Variants in RAPGEF4 observed in about 807,000 individuals in gnomAD.
RAPGEF4 encodes the protein RAP guanine-nucleotide-exchange factor (GEF) 4.
RAPGEF4 carries 66 observed loss-of-function variants against 147.9 expected under a neutral mutation model. The observed-to-expected ratio is 0.45, with a 90% confidence interval of 0.37 to 0.55. The LOEUF (loss-of-function observed/expected upper bound fraction) is 0.55, where lower values mean the gene tolerates loss of function less well. RAPGEF4 is among the 20% of genes least tolerant of loss of function. The pLI is 0.00. For synonymous variants in RAPGEF4, 419 were observed against 442.7 expected (o/e 0.95, Z 0.67); for missense variants, 1,071 against 1,257.3 (o/e 0.85, Z 2.24).
At chr2:172,841,414 A>G (rs1333334624) in intron 4 of RAPGEF4, among the ~76,000 whole-genome samples, 2 of 152,222 alleles carry the variant, frequency 1.3e-5, no homozygotes, top group Non-Finnish European at 2.9e-5. Flanking sequence ...CAACAGATCC[A>G]TGAGCCAAAC....
chr2:173,048,335 T>G, intron 29 of RAPGEF4: 1 of 610,290 alleles, frequency 1.6e-6, no homozygotes, highest in Non-Finnish European at 2.4e-6. Flanking sequence ...TGATAGATGT[T>G]TTTTACATCA....
intron 4 of RAPGEF4, among the ~76,000 whole-genome samples, chr2:172,842,563 C>T (rs1691733045): frequency 6.6e-6 from 1 of 152,198 alleles, no homozygotes; most frequent in Non-Finnish European, 1.5e-5. Context: ...AAGGATCGCT[C>T]CTGGCACATG....
chr2:172,788,513 A>G (rs939912567), intron 1 of RAPGEF4, among the ~76,000 whole-genome samples: 5 of 152,114 alleles, frequency 3.3e-5, no homozygotes, highest in African/African-American at 1.2e-4. Flanking sequence ...GCATACATGT[A>G]TTATCTGTCT....
At chr2:172,810,285 AAG>A (rs1231239596) in intron 3 of RAPGEF4, among the ~76,000 whole-genome samples, 5 of 152,350 alleles carry the variant, frequency 3.3e-5, no homozygotes, top group African/African-American at 1.2e-4. Flanking sequence ...TCATGTTAGT[AAG>A]AGTGTCTGCA....
chr2:172,783,367 A>G (rs1433804551), intron 1 of RAPGEF4, among the ~76,000 whole-genome samples: 1 of 152,148 alleles, frequency 6.6e-6, no homozygotes, highest in African/African-American at 2.4e-5. Flanking sequence ...TTTCCTCTTC[A>G]TTCTTTCACA....
chr2:173,036,829 G>T (rs1186756304), intron 29 of RAPGEF4, 137 bp downstream of exon 29: 2 of 553,806 alleles, frequency 3.6e-6, no homozygotes, highest in Admixed American at 6.5e-5. Context: ...TGAAATATTT[G>T]GTTCAAATTG....
intron 6 of RAPGEF4, among the ~76,000 whole-genome samples, chr2:172,955,635 G>T (rs1015873904): frequency 2.0e-5 from 3 of 152,186 alleles, no homozygotes; most frequent in Non-Finnish European, 4.4e-5. Context: ...ATTGGAGAGG[G>T]GTCCATGCCT....
At chr2:172,983,472 C>CTTT (rs59582070) in intron 10 of RAPGEF4, 24 bp from the exon 11 acceptor site, 90 of 1,497,344 alleles carry the variant, frequency 6.0e-5, no homozygotes, top group South Asian at 2.8e-4. Context: ...TTCCATATTC[C>CTTT]TTTTTTTTTT....
chr2:172,943,499 C>G (rs1028822184), intron 6 of RAPGEF4, among the ~76,000 whole-genome samples: 3 of 152,166 alleles, frequency 2.0e-5, no homozygotes, highest in African/African-American at 7.2e-5. Flanking sequence ...ACTGATGTGA[C>G]TCACTTGGCA....
intron 4 of RAPGEF4, among the ~76,000 whole-genome samples, chr2:172,913,046 C>T (rs1211223180): frequency 6.6e-6 from 1 of 152,074 alleles, no homozygotes; most frequent in Non-Finnish European, 1.5e-5. Context: ...CAGGCGCCCA[C>T]CACCATGCCT....
At chr2:172,750,359 C>A (rs10187070) in intron 1 of RAPGEF4, among the ~76,000 whole-genome samples, 3 of 151,792 alleles carry the variant, frequency 2.0e-5, no homozygotes, top group Non-Finnish European at 4.4e-5. Context: ...TGAAAGGCAC[C>A]TCTTATATTG....
In RAPGEF4 at chr2:172,939,908, G is replaced by T. The variant is rs566137387; in HGVS notation, c.537+17608G>T. ...GTCTTCTCTCCATTGAATTGTCTTT[G>T]TTCCTTTGTAAAAGATCAGTTGACT... On this transcript the variant is annotated intron_variant, in intron 6 of 30. Transcript: ENST00000397081. Among the ~76,000 whole-genome samples, 3 of 152,082 alleles carry T rather than the reference G, an allele frequency of 2.0e-5. No homozygotes were observed. The East Asian group carries it at 5.8e-4, about 29-fold the overall frequency.
At chr2:172,887,850 C>G (rs1445291713) in intron 4 of RAPGEF4, among the ~76,000 whole-genome samples, 3 of 152,150 alleles carry the variant, frequency 2.0e-5, no homozygotes, top group Non-Finnish European at 2.9e-5. Flanking sequence ...GCTAGTGAGG[C>G]CCTGGTTGGT....
intron 4 of RAPGEF4, among the ~76,000 whole-genome samples, chr2:172,861,314 G>A (rs962501673): frequency 6.6e-6 from 1 of 152,240 alleles, no homozygotes; most frequent in African/African-American, 2.4e-5. Context: ...GAGGCTCAGG[G>A]GAAGGGTGTA....
intron 10 of RAPGEF4, 71 bp downstream of exon 10, chr2:172,967,515 A>G: frequency 3.4e-6 from 5 of 1,482,416 alleles, no homozygotes; most frequent in Non-Finnish European, 4.5e-6. Context: ...CCATGAGGAG[A>G]GACACAAGGC....
intron 4 of RAPGEF4, among the ~76,000 whole-genome samples, chr2:172,860,814 A>G (rs180715857): frequency 2.0e-4 from 30 of 152,316 alleles, no homozygotes; most frequent in Non-Finnish European, 3.7e-4. Flanking sequence ...ATTAGACAAA[A>G]TAATCATAAA....
At chr2:172,784,285 G>A (rs1454821249) in intron 1 of RAPGEF4, among the ~76,000 whole-genome samples, 1 of 152,144 alleles carries the variant, frequency 6.6e-6, no homozygotes, top group African/African-American at 2.4e-5. Flanking sequence ...TTGGGAAGCT[G>A]AGGCAGGCGG....
chr2:172,959,844 C>T (rs1164865361), intron 6 of RAPGEF4, among the ~76,000 whole-genome samples: 2 of 152,206 alleles, frequency 1.3e-5, no homozygotes, highest in African/African-American at 4.8e-5. Context: ...AATCCCAGCA[C>T]TTTGGGAGGC....
intron 8 of RAPGEF4, among the ~76,000 whole-genome samples, chr2:172,962,573 A>T (rs1220081339): frequency 2.0e-5 from 3 of 151,942 alleles, no homozygotes; most frequent in Non-Finnish European, 4.4e-5. Flanking sequence ...TCTTCTGATT[A>T]TTTTTTCTAT....
Sources: gnomAD v4.1 joint callset for allele counts (sites outside exome capture counted in the v4.1 genomes callset) on GRCh38, gnomAD v4.1.1 for gene constraint, MANE v1.5 for transcripts, NCBI Gene and HGNC (gene_info 2026-07-23, HGNC 2026-07-21) for gene names.